Variants in NAF1 observed in about 807,000 individuals in gnomAD.
NAF1 encodes the protein nuclear assembly factor 1 ribonucleoprotein, also known as H/ACA ribonucleoprotein complex non-core subunit NAF1.
Under a neutral mutation model 40.6 loss-of-function variants are expected in NAF1, and 11 were observed. The ratio of observed to expected loss-of-function variants is 0.27; its 90% CI spans 0.17 to 0.45. NAF1 has a LOEUF of 0.45. Among genes scored for constraint, NAF1 ranks in the 20% least tolerant of loss-of-function variants. The pLI is 1.00. For missense variants in NAF1, 607 were observed against 611.1 expected, an observed-to-expected ratio of 0.99 and a Z score of 0.07; for synonymous variants, 260 against 228.5, an observed-to-expected ratio of 1.14 and a Z score of -1.24.
chr4:163,133,329 A>G, intron 6 of NAF1, 73 bp from the exon 7 acceptor site: 1 of 1,153,820 alleles, frequency 8.7e-7, no homozygotes, highest in Non-Finnish European at 1.3e-6. Flanking sequence ...CTTGGAGGTG[A>G]AGAAAATAAG....
At chr4:163,132,081 G>A (rs1050007666) in intron 7 of NAF1, among the ~76,000 whole-genome samples, 2 of 152,120 alleles carry the variant, frequency 1.3e-5, no homozygotes, top group African/African-American at 2.4e-5. Flanking sequence ...TGGAGAAAAT[G>A]CAAAGAAATT....
chr4:163,115,287 C>A (rs1363334481), intron 2 of NAF1, among the ~76,000 whole-genome samples: 1 of 145,862 alleles, frequency 6.9e-6, no homozygotes, highest in South Asian at 2.2e-4. Flanking sequence ...CGGCTCACTG[C>A]AAGCTCCGCC....
At chr4:163,109,405 C>A (rs1730103831), downstream of NAF1, among the ~76,000 whole-genome samples, 1 of 151,976 alleles carries the variant, frequency 6.6e-6, no homozygotes, top group South Asian at 2.1e-4. Flanking sequence ...CTATGCTAAT[C>A]TGAAACATTA....
chr4:163,131,192 T>C (rs1406319517), intron 7 of NAF1, among the ~76,000 whole-genome samples: 1 of 152,128 alleles, frequency 6.6e-6, no homozygotes, highest in Admixed American at 6.5e-5. Flanking sequence ...TTTTAGATAA[T>C]GACTTCTTAG....
intron 2 of NAF1, among the ~76,000 whole-genome samples, chr4:163,150,062 G>A (rs1410407821): frequency 6.6e-6 from 1 of 152,078 alleles, no homozygotes; most frequent in Non-Finnish European, 1.5e-5. Flanking sequence ...AAAAATTTGA[G>A]TACTTTTGGA....
At chr4:163,157,067 A>G (rs1732015119) in intron 2 of NAF1, 1 of 152,136 alleles carries the variant, frequency 6.6e-6, no homozygotes, top group South Asian at 2.1e-4. Flanking sequence ...TTGCATGGAA[A>G]TAAACATCCC....
intron 1 of NAF1, 52 bp from the exon 2 acceptor site, chr4:163,164,443 T>C (rs1732366906): frequency 8.1e-7 from 1 of 1,231,226 alleles, no homozygotes; most frequent in Non-Finnish European, 1.1e-6. Flanking sequence ...TATACTAATA[T>C]TAAAATAAGA....
intron 7 of NAF1, 33 bp from the exon 8 acceptor site, chr4:163,129,381 A>C (rs745539922): frequency 1.3e-6 from 2 of 1,552,678 alleles, no homozygotes; most frequent in East Asian, 2.3e-5. Context: ...CATAAAAAGG[A>C]AAATAAGTTT....
chr4:163,137,066 G>T, intron 6 of NAF1, 133 bp downstream of exon 6: 2 of 922,690 alleles, frequency 2.2e-6, no homozygotes, highest in Non-Finnish European at 3.3e-6. Context: ...GAGAATACAT[G>T]CGCTAGGACA....
At chr4:163,104,324 T>G in the NAF1 span, among the ~76,000 whole-genome samples, 1 of 151,774 alleles carries the variant, frequency 6.6e-6, no homozygotes, top group Non-Finnish European at 1.5e-5. Flanking sequence ...GGCCTGACAA[T>G]AAGCATGTAG....
At chr4:163,137,498 T>C (rs1731106326) in intron 5 of NAF1, among the ~76,000 whole-genome samples, 2 of 152,114 alleles carry the variant, frequency 1.3e-5, no homozygotes, top group Non-Finnish European at 1.5e-5. Flanking sequence ...TGGTGTGCAG[T>C]GGAAAGCAGA....
At chr4:163,134,939 C>T (rs1240524024) in intron 6 of NAF1, 1 of 152,092 alleles carries the variant, frequency 6.6e-6, no homozygotes, top group Admixed American at 6.5e-5. Context: ...TAGTTTATTT[C>T]AGAGAGATTA....
rs191160551 is a variant in NAF1 at position 163,140,260 on chromosome 4, C to A, written c.841G>T (p.Asp281Tyr). Residue 281 changes from aspartate (D) to tyrosine (Y), a missense_variant, in exon 5 of 8, where the codon GAT becomes TAT. Around this residue, in one of 3 missense-constraint regions of NAF1, gnomAD observed 407 missense variants for 365.5 expected, o/e 1.11. Transcript: ENST00000274054. ...ETMYFAPSMK[D>Y]FTQYIFTEKL... is the part of the protein sequence containing the mutation. Reference sequence around the variant, plus strand: ...TCTGTGAATATATATTGAGTGAAATCTTTCATTGATGGAGCAAAATACATA... The same window carrying A: ...TCTGTGAATATATATTGAGTGAAATATTTCATTGATGGAGCAAAATACATA... 1.9e-6 allele frequency: 3 copies of A among 1,605,542 alleles called. No homozygotes were observed. The highest frequency in any genetic ancestry group is 2.2e-5 in the South Asian group (2 of 88,940).
intron 7 of NAF1, among the ~76,000 whole-genome samples, chr4:163,130,504 A>G (rs1222069105): frequency 6.6e-6 from 1 of 152,240 alleles, no homozygotes; most frequent in African/African-American, 2.4e-5. Context: ...AAACTACCCA[A>G]CTTCAAGACG....
intron 4 of NAF1, among the ~76,000 whole-genome samples, chr4:163,141,155 A>G (rs1731246255): frequency 6.6e-6 from 1 of 152,258 alleles, no homozygotes; most frequent in African/African-American, 2.4e-5. Flanking sequence ...ACCTGAGGTC[A>G]GGGGTTCAAG....
chr4:163,131,793 A>T (rs1158894490), intron 7 of NAF1, among the ~76,000 whole-genome samples: 2 of 152,264 alleles, frequency 1.3e-5, no homozygotes, highest in Non-Finnish European at 2.9e-5. Context: ...AGACTAGAAC[A>T]AATCATGAAC....
intron 2 of NAF1, among the ~76,000 whole-genome samples, chr4:163,118,784 T>C (rs1730429448): frequency 1.3e-5 from 2 of 152,112 alleles, no homozygotes; most frequent in African/African-American, 4.8e-5. Context: ...ATAAAACTTA[T>C]TTTATATGAG....
At chr4:163,140,001 A>T (rs1261369503) in intron 5 of NAF1, among the ~76,000 whole-genome samples, 1 of 152,122 alleles carries the variant, frequency 6.6e-6, no homozygotes, top group African/African-American at 2.4e-5. Context: ...ACATGGCTCA[A>T]ATGTGCTCTT....
intron 2 of NAF1, among the ~76,000 whole-genome samples, chr4:163,113,954 A>T (rs1463504276): frequency 6.6e-6 from 1 of 152,142 alleles, no homozygotes; most frequent in African/African-American, 2.4e-5. Flanking sequence ...ACTCTAATTC[A>T]CTTCTATTAC....
Sources: gnomAD v4.1 joint callset for allele counts (sites outside exome capture counted in the v4.1 genomes callset) on GRCh38, gnomAD v4.1.1 for gene constraint, gnomAD v4.1.1 regional missense constraint, MANE v1.5 for transcripts, NCBI Gene and HGNC (gene_info 2026-07-23, HGNC 2026-07-21) for gene names.